Variants in STK32C observed in about 807,000 individuals in gnomAD.
The protein encoded by STK32C is serine/threonine kinase 32C.
A neutral mutation model predicts 56.5 loss-of-function variants in STK32C; 31 were observed. That is an observed-to-expected ratio of 0.55 (90% CI 0.41 to 0.74). STK32C has a LOEUF of 0.74. Ranked by LOEUF, STK32C falls within the 30% of genes least tolerant of loss-of-function variation. The pLI is 0.00. For missense variants in STK32C, 544 were observed against 676.9 expected (o/e 0.80, Z 2.18); for synonymous variants, 309 against 289.4 (o/e 1.07, Z -0.69).
At position 132,235,108 on chromosome 10, in the gene STK32C, G is replaced by A. The variant is rs148706999; in HGVS notation, c.319-6980C>T. Among the ~76,000 whole-genome samples, 474 of 152,130 alleles carry A rather than the reference G, an allele frequency of 3.1e-3. 2 individuals carry two copies. The highest frequency in any genetic ancestry group is 5.4e-3 in the Non-Finnish European group (364 of 67,986). ...ATGAACTGTGTGAGTGGTGTGAGCTGTGTGACTGGTATGAACCGTGTGAGT... is the reference window on the plus strand; with the variant it reads ...ATGAACTGTGTGAGTGGTGTGAGCTATGTGACTGGTATGAACCGTGTGAGT... On this transcript the variant is annotated intron_variant, in intron 2 of 11. Transcript: ENST00000298630.
intron 1 of STK32C, among the ~76,000 whole-genome samples, chr10:132,259,319 G>A (rs1285518059): frequency 6.6e-6 from 1 of 152,190 alleles, no homozygotes; most frequent in Non-Finnish European, 1.5e-5. Flanking sequence ...GATATGGTTT[G>A]GCTCTATGTC....
chr10:132,319,511 A>G (rs1384405826), downstream of STK32C, among the ~76,000 whole-genome samples: 1 of 152,264 alleles, frequency 6.6e-6, no homozygotes, highest in Non-Finnish European at 1.5e-5. Flanking sequence ...GGAATGAAAT[A>G]CTGATGCCTT....
intron 1 of STK32C, among the ~76,000 whole-genome samples, chr10:132,295,742 G>T (rs1055108536): frequency 2.6e-5 from 4 of 152,160 alleles, no homozygotes; most frequent in African/African-American, 9.7e-5. Context: ...AAATTAGTTG[G>T]GTGTGGTGGC....
chr10:132,209,251 G>A, intron 10 of STK32C, 150 bp from the exon 11 acceptor site: 1 of 743,886 alleles, frequency 1.3e-6, no homozygotes, highest in Non-Finnish European at 2.4e-6. Context: ...CGGCCCTCCA[G>A]CAGCCAGACT....
chr10:132,286,531 G>T (rs1165269160), intron 1 of STK32C, among the ~76,000 whole-genome samples: 1 of 152,096 alleles, frequency 6.6e-6, no homozygotes, highest in East Asian at 1.9e-4. Context: ...AATTATTAAT[G>T]AAATATTGGA....
chr10:132,323,660 A>G (rs2066448976), downstream of STK32C, among the ~76,000 whole-genome samples: 1 of 152,230 alleles, frequency 6.6e-6, no homozygotes, highest in South Asian at 2.1e-4. The surrounding 1 kb of genome is among the most constrained non-coding windows in gnomAD (Gnocchi z 4.8). Flanking sequence ...ACAGGCCATG[A>G]GATTGGCTTG....
rs34920804 is a variant in STK32C at position 132,268,219 on chromosome 10, C to T, written c.263-22264G>A. ...TCTATGCCTGTGTGCATGCATGTCC[C>T]ACATCGTGTGTGTGTGTGTGTGTCG... On this transcript the variant is annotated intron_variant, in intron 1 of 11. Coordinates refer to ENST00000298630, the MANE Select transcript of STK32C (RefSeq NM_173575.4). Among the ~76,000 whole-genome samples the T allele has an allele frequency of 8.9e-3, 1,232 of 138,122 alleles. 26 individuals are homozygous for T. The highest frequency in any genetic ancestry group is 0.033 in the African/African-American group (1,177 of 35,270). The allele number at this position is 138,122 out of a possible 152,430, so 90.6% of individuals were successfully genotyped here.
At chr10:132,241,872 T>G (rs2063513399) in intron 2 of STK32C, among the ~76,000 whole-genome samples, 1 of 152,088 alleles carries the variant, frequency 6.6e-6, no homozygotes, top group South Asian at 2.1e-4. Context: ...TTTGGGAGGC[T>G]GAGGTGGGCA....
At chr10:132,282,415 A>ACCCACCTGTGCCTGCG in intron 1 of STK32C, among the ~76,000 whole-genome samples, 1 of 151,444 alleles carries the variant, frequency 6.6e-6, no homozygotes, top group African/African-American at 2.4e-5. Flanking sequence ...GGCGTCAGCT[A>ACCCACCTGTGCCTGCG]CCCACCTGTG....
At chr10:132,277,884 G>A (rs1307340895) in intron 1 of STK32C, among the ~76,000 whole-genome samples, 1 of 152,142 alleles carries the variant, frequency 6.6e-6, no homozygotes, top group Non-Finnish European at 1.5e-5. Context: ...TCTCGGTGCA[G>A]GGCCAGCCTG....
At chr10:132,253,387 G>T (rs979871271) in intron 1 of STK32C, among the ~76,000 whole-genome samples, 9 of 151,426 alleles carry the variant, frequency 5.9e-5, no homozygotes, top group East Asian at 5.9e-4. Flanking sequence ...GGGAGCCGAG[G>T]TAGCTGGAGG....
intron 1 of STK32C, among the ~76,000 whole-genome samples, chr10:132,266,331 G>A (rs2064525323): frequency 6.6e-6 from 1 of 152,158 alleles, no homozygotes. Context: ...GGAAGGGGAT[G>A]CTTGGAAAAG....
chr10:132,255,227 G>A lies in STK32C; in HGVS notation c.263-9272C>T, dbSNP rs2064071950. ...GACTCCGAGACGCAGGCCCCGCAGA[G>A]CTTGTGCAGCCTCTGGGGATGTCTG... On this transcript the variant is annotated intron_variant, in intron 1 of 11. Coordinates refer to ENST00000298630, the MANE Select transcript of STK32C (RefSeq NM_173575.4). The surrounding 1 kb of genome is among the most constrained non-coding windows in gnomAD (Gnocchi z 4.6). 6.6e-6 allele frequency among the ~76,000 whole-genome samples: 1 copy of A among 152,172 alleles called. No individual in the cohort carries two copies. The highest frequency in any genetic ancestry group is 1.5e-5 in the Non-Finnish European group (1 of 68,024).
At chr10:132,326,012 C>T (rs570215591) in intron 1 of STK32C, among the ~76,000 whole-genome samples, 3 of 152,256 alleles carry the variant, frequency 2.0e-5, no homozygotes, top group Admixed American at 6.5e-5. Flanking sequence ...TGAGCCACCA[C>T]GCTGGCCGGT....
At chr10:132,268,643 C>T (rs527841214) in intron 1 of STK32C, among the ~76,000 whole-genome samples, 2,560 of 126,134 alleles carry the variant, frequency 0.02, 57 homozygotes, top group African/African-American at 0.071. Context: ...GTGTGTGTGT[C>T]GGTGTGTGTG....
rs549241622 is a variant in STK32C, at chr10:132,255,375, G to T, written c.263-9420C>A. ...ACTCCTCAGGTGCCCTGGCCCGCTAGGTCAACAGGAACCACAGGAGTCACC... is the reference window on the plus strand; with the variant it reads ...ACTCCTCAGGTGCCCTGGCCCGCTATGTCAACAGGAACCACAGGAGTCACC... On this transcript the variant is annotated intron_variant, in intron 1 of 11. Coordinates refer to ENST00000298630, the MANE Select transcript of STK32C (RefSeq NM_173575.4). This position sits in a 1 kb window ranked among gnomAD's most constrained non-coding sequence, Gnocchi z 4.6. Among the ~76,000 whole-genome samples the T allele has an allele frequency of 6.6e-6, 1 of 152,286 alleles. No homozygotes were observed. The highest frequency in any genetic ancestry group is 1.5e-5 in the Non-Finnish European group (1 of 68,006).
chr10:132,245,782 G>T, intron 2 of STK32C, 118 bp downstream of exon 2: 1 of 1,036,180 alleles, frequency 9.7e-7, no homozygotes, highest in Non-Finnish European at 1.4e-6. Context: ...CCTCTGCCCA[G>T]GTAAGGCTGC....
upstream of STK32C, among the ~76,000 whole-genome samples, chr10:132,309,373 AGGACATGCACCCACCT>A (rs1403827665): frequency 4.6e-5 from 7 of 151,904 alleles, no homozygotes; most frequent in Non-Finnish European, 7.4e-5. Flanking sequence ...GCACCCGCCT[AGGACATGCACCCACCT>A]GGACATGCAC....
At chr10:132,271,678 G>A (rs971765827) in intron 1 of STK32C, among the ~76,000 whole-genome samples, 2 of 152,210 alleles carry the variant, frequency 1.3e-5, no homozygotes, top group African/African-American at 4.8e-5. Context: ...CCACGGTGGT[G>A]TTTCCCTAAG....
Sources: allele counts gnomAD v4.1 joint callset (sites outside exome capture counted in the v4.1 genomes callset), GRCh38; gene constraint gnomAD v4.1.1; non-coding constraint Gnocchi (gnomAD v3.1); transcripts MANE v1.5; gene names NCBI Gene and HGNC (gene_info 2026-07-23, HGNC 2026-07-21).